ADAM23: variants seen among roughly 807,000 people sequenced by gnomAD.
The protein encoded by ADAM23 is ADAM metallopeptidase domain 23.
In ADAM23, 33 loss-of-function variants were observed where a neutral mutation model predicts 120.1. That is an observed-to-expected ratio of 0.27 (90% CI 0.21 to 0.37). The LOEUF (loss-of-function observed/expected upper bound fraction) is 0.37, where lower values mean the gene tolerates loss of function less well. Among genes scored for constraint, ADAM23 ranks in the 10% least tolerant of loss-of-function variants. The probability of loss-of-function intolerance (pLI) is 1.00; values close to 1 mark genes in which losing one functional copy is unlikely to be tolerated. For missense variants in ADAM23, 862 were observed against 1,058.2 expected (o/e 0.81, Z 2.57); for synonymous variants, 367 against 375.2 (o/e 0.98, Z 0.25).
intron 3 of ADAM23, among the ~76,000 whole-genome samples, chr2:206,529,795 A>ATGTG (rs143634424): frequency 6.6e-6 from 1 of 150,440 alleles, no homozygotes; most frequent in Non-Finnish European, 1.5e-5. Flanking sequence ...GAATGTTTAT[A>ATGTG]TGTGTGTGTG....
At position 206,571,786 on chromosome 2, in the gene ADAM23, C is replaced by T. The variant is rs1574541212; in HGVS notation, c.1626C>T (p.Asp542=). ...TCTCCAACGGGGCTCACTGCAGCGA[C>T]GGGCCCTGCTGTAACAATACCTCAT... ...CSLSNGAHCS[D]GPCCNNTSCL... Residue 542 remains aspartate, a synonymous_variant, in exon 17 of 26, where the codon GAC becomes GAT. Coordinates refer to ENST00000264377, the MANE Select transcript of ADAM23 (RefSeq NM_003812.4). 4 of 1,614,096 alleles carry T rather than the reference C, an allele frequency of 2.5e-6. No homozygotes were observed. In the South Asian group the frequency reaches 4.4e-5, roughly 18 times the overall value.
chr2:206,521,637 A>C (rs1440955279), intron 3 of ADAM23, among the ~76,000 whole-genome samples: 2 of 152,174 alleles, frequency 1.3e-5, no homozygotes, highest in Non-Finnish European at 2.9e-5. Context: ...ATGTATATAA[A>C]CATACTTCTA....
intron 3 of ADAM23, among the ~76,000 whole-genome samples, chr2:206,516,959 C>T (rs1314964800): frequency 6.6e-6 from 1 of 151,968 alleles, no homozygotes. Context: ...GGACATACAC[C>T]AGCAGCATTT....
At chr2:206,477,897 AATAT>A (rs71034457) in intron 2 of ADAM23, among the ~76,000 whole-genome samples, 6 of 93,574 alleles carry the variant, frequency 6.4e-5, no homozygotes, top group South Asian at 3.2e-4. Flanking sequence ...AAAAAAAAAA[AATAT>A]ATATATATAT....
chr2:206,581,925 T>A (rs78645588), intron 18 of ADAM23, among the ~76,000 whole-genome samples: 9,421 of 152,158 alleles, frequency 0.062, 512 homozygotes, highest in East Asian at 0.18. Flanking sequence ...TTGCCCAGGC[T>A]GGAGTGCAGT....
chr2:206,478,348 G>A (rs901284689), intron 2 of ADAM23, among the ~76,000 whole-genome samples: 1 of 152,044 alleles, frequency 6.6e-6, no homozygotes, highest in African/African-American at 2.4e-5. Context: ...TATAGAAAAT[G>A]TGCTTCCTCT....
At chr2:206,573,433 A>C (rs1698045076) in intron 18 of ADAM23, among the ~76,000 whole-genome samples, 1 of 152,186 alleles carries the variant, frequency 6.6e-6, no homozygotes. Flanking sequence ...ATTTTAAGTA[A>C]TTTTGTGCAT....
At position 206,443,980 on chromosome 2, in the gene ADAM23, G is replaced by T; in HGVS notation, c.114G>T (p.Pro38=). Residue 38 remains proline (P), a synonymous_variant, in exon 1 of 26, where the codon CCG becomes CCT. Coordinates refer to ENST00000264377, the MANE Select transcript of ADAM23 (RefSeq NM_003812.4). ...GPAGSVPASA[P]ARTPPCRLLL... ...CCGGCTCGGTGCCTGCCAGCGCCCC[G>T]GCCCGCACGCCGCCCTGCCGCCTGC... 7.3e-7 allele frequency: 1 copy of T among 1,373,922 alleles called. No individual in the cohort carries two copies. The allele number at this position is 1,373,922 out of a possible 1,614,324, so 85.1% of individuals were successfully genotyped here.
At chr2:206,536,613 A>C (rs971822545) in intron 4 of ADAM23, among the ~76,000 whole-genome samples, 1 of 152,222 alleles carries the variant, frequency 6.6e-6, no homozygotes, top group Non-Finnish European at 1.5e-5. Context: ...CTTAAAACGT[A>C]ACTGTGAGGT....
intron 3 of ADAM23, among the ~76,000 whole-genome samples, chr2:206,493,386 T>A (rs955606921): frequency 1.3e-5 from 2 of 152,114 alleles, no homozygotes; most frequent in African/African-American, 4.8e-5. Flanking sequence ...TTATTTATTT[T>A]TTTGAGACGG....
chr2:206,448,335 ATTCT>A (rs1695122448), intron 2 of ADAM23, among the ~76,000 whole-genome samples: 1 of 152,218 alleles, frequency 6.6e-6, no homozygotes, highest in Non-Finnish European at 1.5e-5. Flanking sequence ...TTTATTATAA[ATTCT>A]TTCTTGCTAG....
At chr2:206,609,084 A>G (rs1698782750) in intron 24 of ADAM23, among the ~76,000 whole-genome samples, 1 of 152,198 alleles carries the variant, frequency 6.6e-6, no homozygotes, top group Non-Finnish European at 1.5e-5. Flanking sequence ...AGGAGTTACT[A>G]GGATATGGAT....
In ADAM23 at chr2:206,481,433, T is replaced by C. The variant is rs541333231; in HGVS notation, c.509+125T>C. ...TTTTCTAGCAGATTATTATAGAGCA[T>C]GTAAAGTATAAAATTCTGAATGGTG... On this transcript the variant is annotated intron_variant, in intron 3 of 25. Transcript: ENST00000264377. 3.2e-5 allele frequency: 19 copies of C among 599,736 alleles called. No individual in the cohort carries two copies. In the African/African-American group the frequency reaches 3.3e-4, roughly 10 times the overall value. 37.2% of individuals were successfully genotyped at this position (599,736 alleles called of 1,614,324 possible).
chr2:206,595,354 C>G (rs1698504130), intron 23 of ADAM23, among the ~76,000 whole-genome samples: 1 of 152,068 alleles, frequency 6.6e-6, no homozygotes, highest in South Asian at 2.1e-4. Context: ...TATTTATTTC[C>G]TCTAGATTAC....
chr2:206,581,502 A>G (rs1376280821), intron 18 of ADAM23, among the ~76,000 whole-genome samples: 2 of 152,174 alleles, frequency 1.3e-5, no homozygotes, highest in African/African-American at 4.8e-5. Context: ...TCAGCAGGTT[A>G]TTTAATTTCC....
intron 18 of ADAM23, among the ~76,000 whole-genome samples, chr2:206,582,233 G>A (rs367820599): frequency 5.3e-5 from 8 of 152,302 alleles, no homozygotes; most frequent in Admixed American, 4.6e-4. Flanking sequence ...CCAGTGTTAG[G>A]TGCATATATG....
intron 2 of ADAM23, among the ~76,000 whole-genome samples, chr2:206,477,569 G>C (rs79949357): frequency 6.6e-6 from 1 of 151,972 alleles, no homozygotes; most frequent in Non-Finnish European, 1.5e-5. Flanking sequence ...CAGATATCCC[G>C]AAAGAGAAAA....
chr2:206,488,037 T>C (rs543994003), intron 3 of ADAM23, among the ~76,000 whole-genome samples: 23 of 152,380 alleles, frequency 1.5e-4, no homozygotes, highest in African/African-American at 5.5e-4. Context: ...AATGCTGATT[T>C]AAAGAAATAC....
intron 3 of ADAM23, among the ~76,000 whole-genome samples, chr2:206,499,731 A>G (rs551083642): frequency 6.6e-6 from 1 of 152,136 alleles, no homozygotes; most frequent in Non-Finnish European, 1.5e-5. Context: ...GAAATCACTA[A>G]TGTTCTCATG....
Sources: gnomAD v4.1 joint callset for allele counts (sites outside exome capture counted in the v4.1 genomes callset) on GRCh38, gnomAD v4.1.1 for gene constraint, MANE v1.5 for transcripts, NCBI Gene and HGNC (gene_info 2026-07-23, HGNC 2026-07-21) for gene names.